The following IRAK4 variants were observed in gnomAD, a reference collection of about 807,000 sequenced individuals.
The protein encoded by IRAK4 is interleukin-1 receptor-associated kinase 4.
In IRAK4, 44 loss-of-function variants were observed where a neutral mutation model predicts 51.8. The ratio of observed to expected loss-of-function variants is 0.85; its 90% CI spans 0.67 to 1.09. The LOEUF (loss-of-function observed/expected upper bound fraction) is 1.09, where lower values mean the gene tolerates loss of function less well. IRAK4 is among the 50% of genes least tolerant of loss of function. The probability of loss-of-function intolerance (pLI) is 0.00; values close to 1 mark genes in which losing one functional copy is unlikely to be tolerated. For synonymous variants in IRAK4, 149 were observed against 174.1 expected (o/e 0.86, Z 1.13); for missense variants, 487 against 538.0 (o/e 0.91, Z 0.94).
chr12:43,779,032 TA>T (rs1161404868), intron 8 of IRAK4, among the ~76,000 whole-genome samples: 1 of 152,048 alleles, frequency 6.6e-6, no homozygotes, highest in Non-Finnish European at 1.5e-5. Context: ...GGAGCCAAGA[TA>T]GGAGGATCAT....
chr12:43,777,581 G>T, intron 6 of IRAK4, 49 bp from the exon 7 acceptor site: 1 of 1,522,150 alleles, frequency 6.6e-7, no homozygotes, highest in Non-Finnish European at 8.9e-7. Flanking sequence ...ACCTATAGCT[G>T]AATATATATT....
At chr12:43,782,751 A>C (rs1345834583) in intron 9 of IRAK4, among the ~76,000 whole-genome samples, 2 of 152,250 alleles carry the variant, frequency 1.3e-5, no homozygotes, top group African/African-American at 4.8e-5. Context: ...CTAATGCATT[A>C]AATGAATCAT....
At chr12:43,761,372 C>T (rs1403884542) in intron 1 of IRAK4, among the ~76,000 whole-genome samples, 1 of 152,118 alleles carries the variant, frequency 6.6e-6, no homozygotes, top group African/African-American at 2.4e-5. Context: ...ATCCTCACTA[C>T]TGTTCTGGAA....
chr12:43,771,659 T>C (rs1940777564), intron 3 of IRAK4, among the ~76,000 whole-genome samples: 1 of 152,208 alleles, frequency 6.6e-6, no homozygotes, highest in South Asian at 2.1e-4. Context: ...GTAATTATAA[T>C]TTTGAGTTCT....
At chr12:43,773,812 A>G (rs2137959703) in intron 5 of IRAK4, 153 bp from the exon 6 acceptor site, 1 of 616,676 alleles carries the variant, frequency 1.6e-6, no homozygotes, top group East Asian at 2.8e-5. Flanking sequence ...GCAAATCACT[A>G]GTATTTCTAG....
intron 9 of IRAK4, among the ~76,000 whole-genome samples, chr12:43,782,762 G>A (rs1415485212): frequency 2.0e-5 from 3 of 152,156 alleles, no homozygotes. Flanking sequence ...AATGAATCAT[G>A]TCATACAGTA....
intron 6 of IRAK4, among the ~76,000 whole-genome samples, chr12:43,774,267 C>T (rs1430107105): frequency 6.6e-6 from 1 of 152,068 alleles, no homozygotes; most frequent in African/African-American, 2.4e-5. Flanking sequence ...TTTTTTGAGA[C>T]AGAGTCTCGC....
intron 2 of IRAK4, 130 bp from the exon 3 acceptor site, chr12:43,771,090 C>A: frequency 1.2e-6 from 1 of 841,304 alleles, no homozygotes; most frequent in South Asian, 1.4e-5. Context: ...CTTGGACTTC[C>A]CAGCCTCCAG....
chr12:43,761,517 G>A (rs998438169), intron 1 of IRAK4, among the ~76,000 whole-genome samples: 9 of 151,674 alleles, frequency 5.9e-5, no homozygotes, highest in Non-Finnish European at 1.3e-4. Context: ...CCCTTTGCAT[G>A]TGTTGATTTT....
intron 1 of IRAK4, among the ~76,000 whole-genome samples, chr12:43,764,608 T>C (rs1417870589): frequency 6.6e-6 from 1 of 152,182 alleles, no homozygotes; most frequent in East Asian, 1.9e-4. Context: ...ATGAAGATTT[T>C]TCAAGATTGG....
At chr12:43,767,168 A>G (rs1003151729) in intron 1 of IRAK4, among the ~76,000 whole-genome samples, 4 of 152,198 alleles carry the variant, frequency 2.6e-5, no homozygotes, top group Non-Finnish European at 5.9e-5. Context: ...ATCTGAGTCT[A>G]TTTGTCTTAA....
chr12:43,772,448 G>T, intron 4 of IRAK4, 86 bp downstream of exon 4: 1 of 1,240,288 alleles, frequency 8.1e-7, no homozygotes, highest in Non-Finnish European at 1.2e-6. Context: ...TCTTTTGTTT[G>T]TGCAGCAATC....
chr12:43,784,093 C>T (rs1009927022), intron 10 of IRAK4, among the ~76,000 whole-genome samples: 2 of 152,088 alleles, frequency 1.3e-5, no homozygotes, highest in Non-Finnish European at 2.9e-5. Context: ...GGCTTCCATT[C>T]AAATTTCTTT....
rs1940844376 is a variant in IRAK4, at chr12:43,772,269, A to G, written c.397A>G (p.Thr133Ala). ...GATGCCTTTCTGTGACAAAGACAGG[A>G]CATTGATGACACCTGTGCAGAATCT... The part of the protein sequence containing the change: ...KQMPFCDKDR[T>A]LMTPVQNLEQ... Residue 133 changes from threonine to alanine, a missense_variant, in exon 4 of 12, where the codon ACA becomes GCA. Coordinates refer to ENST00000613694, the MANE Select transcript of IRAK4 (RefSeq NM_016123.4). 1 of 1,613,502 alleles carries G rather than the reference A, an allele frequency of 6.2e-7. No individual in the cohort carries two copies. Among genetic ancestry groups the G allele is most frequent in the African/African-American group, 1.3e-5 (1 of 74,930 alleles).
In IRAK4 at chr12:43,774,051, C is replaced by T. The variant is rs4251477; in HGVS notation, c.716+22C>T. ...CAAAGTAAGTCTTAATCTGGCAGTG[C>T]GGTGTAGTGGAAAGAAAAAAGACAA... On this transcript the variant is annotated intron_variant, in intron 6 of 11. Transcript: ENST00000613694. 3.6e-4 allele frequency: 571 copies of T among 1,575,692 alleles called. 4 individuals carry two copies. In the African/African-American group the frequency reaches 6.3e-3, roughly 17 times the overall value.
chr12:43,766,549 G>C (rs1940171090), intron 1 of IRAK4, among the ~76,000 whole-genome samples: 1 of 152,080 alleles, frequency 6.6e-6, no homozygotes, highest in African/African-American at 2.4e-5. Context: ...TTAGTACAAA[G>C]ACTGACATAA....
At chr12:43,772,534 C>T (rs1940875944) in intron 4 of IRAK4, among the ~76,000 whole-genome samples, 172 bp downstream of exon 4, 1 of 152,006 alleles carries the variant, frequency 6.6e-6, no homozygotes. Context: ...TTGTATTAAT[C>T]AGTGATTAGA....
At chr12:43,767,538 G>A (rs761177460) in intron 1 of IRAK4, among the ~76,000 whole-genome samples, 1 of 152,106 alleles carries the variant, frequency 6.6e-6, no homozygotes, top group Non-Finnish European at 1.5e-5. Context: ...CAGATCTCAT[G>A]GACTCAAAAA....
chr12:43,781,825 T>C (rs866753492), intron 8 of IRAK4, among the ~76,000 whole-genome samples: 1 of 152,224 alleles, frequency 6.6e-6, no homozygotes, highest in South Asian at 2.1e-4. Context: ...TATTTTTTTC[T>C]CTTCAAAAGC....
Sources: gnomAD v4.1 joint callset for allele counts (sites outside exome capture counted in the v4.1 genomes callset) on GRCh38, gnomAD v4.1.1 for gene constraint, MANE v1.5 for transcripts, NCBI Gene and HGNC (gene_info 2026-07-23, HGNC 2026-07-21) for gene names.